Variants in MYO3B observed in about 807,000 individuals in gnomAD.
MYO3B encodes myosin-IIIb.
Under a neutral mutation model 174.6 loss-of-function variants are expected in MYO3B, and 156 were observed. That is an observed-to-expected ratio of 0.89 (90% CI 0.78 to 1.02). The LOEUF is 1.02. Among genes scored for constraint, MYO3B ranks in the 50% least tolerant of loss-of-function variants. The probability of loss-of-function intolerance (pLI) is 0.00; values close to 1 mark genes in which losing one functional copy is unlikely to be tolerated. For missense variants in MYO3B, 1,632 were observed against 1,639.4 expected (o/e 1.00, Z 0.08); for synonymous variants, 563 against 569.1 (o/e 0.99, Z 0.15).
chr2:170,415,742 T>C (rs1412461199), intron 22 of MYO3B, among the ~76,000 whole-genome samples: 1 of 152,222 alleles, frequency 6.6e-6, no homozygotes, highest in Non-Finnish European at 1.5e-5. Context: ...CCTGCTCTTC[T>C]TACAGGTAAG....
chr2:170,643,015 G>A (rs1248488355), intron 32 of MYO3B, among the ~76,000 whole-genome samples: 1 of 149,508 alleles, frequency 6.7e-6, no homozygotes, highest in African/African-American at 2.5e-5. Flanking sequence ...CTACACAGTA[G>A]AACCACCCAA....
chr2:170,209,680 G>A (rs986683935), intron 3 of MYO3B, among the ~76,000 whole-genome samples: 1 of 152,138 alleles, frequency 6.6e-6, no homozygotes. Context: ...GGTATTTACA[G>A]TTAGAAACAC....
At chr2:170,268,583 A>C (rs1221863110) in intron 7 of MYO3B, among the ~76,000 whole-genome samples, 1 of 152,164 alleles carries the variant, frequency 6.6e-6, no homozygotes, top group Non-Finnish European at 1.5e-5. Flanking sequence ...TCTACTACAA[A>C]CTTGGGGGCT....
chr2:170,585,292 C>T (rs1382879250), intron 32 of MYO3B, among the ~76,000 whole-genome samples: 6 of 152,094 alleles, frequency 3.9e-5, no homozygotes, highest in East Asian at 1.9e-4. Flanking sequence ...ATGTAGTACT[C>T]ATAGTAATTC....
intron 9 of MYO3B, among the ~76,000 whole-genome samples, chr2:170,380,819 A>G (rs887759972): frequency 6.6e-6 from 1 of 152,220 alleles, no homozygotes; most frequent in Non-Finnish European, 1.5e-5. Context: ...ATGTTGATCA[A>G]CATAGGACTG....
In MYO3B at chr2:170,422,327, C is replaced by A. The variant is rs143283742; in HGVS notation, c.2650+14483C>A. ...AAGCAGTCCCCCTGCCTCAGCCCCC[C>A]AAGTAGTTGAGATCACAGGCATGAG... On this transcript the variant is annotated intron_variant, in intron 22 of 34. Transcript: ENST00000408978. Among the ~76,000 whole-genome samples the A allele has an allele frequency of 5.3e-5, 8 of 152,186 alleles. No homozygotes were observed. In the East Asian group the frequency reaches 7.7e-4, roughly 15 times the overall value.
intron 32 of MYO3B, among the ~76,000 whole-genome samples, chr2:170,591,391 A>T (rs1039505668): frequency 6.6e-5 from 10 of 152,174 alleles, no homozygotes; most frequent in African/African-American, 2.4e-4. Context: ...TTTCTCTGAG[A>T]TCAAAAATTA....
intron 26 of MYO3B, among the ~76,000 whole-genome samples, chr2:170,499,440 T>A (rs1687081720): frequency 6.6e-6 from 1 of 152,196 alleles, no homozygotes; most frequent in Admixed American, 6.5e-5. Context: ...CCTCATCATC[T>A]ATTTACATCA....
intron 8 of MYO3B, among the ~76,000 whole-genome samples, chr2:170,364,724 T>C (rs948748708): frequency 6.6e-6 from 1 of 152,194 alleles, no homozygotes; most frequent in Non-Finnish European, 1.5e-5. Flanking sequence ...CAGCTGTCAG[T>C]TTCATCTTCA....
At chr2:170,417,876 G>A (rs935440397) in intron 22 of MYO3B, among the ~76,000 whole-genome samples, 2 of 152,150 alleles carry the variant, frequency 1.3e-5, no homozygotes, top group East Asian at 1.9e-4. Flanking sequence ...AGGTACTTAA[G>A]GGCTAGGACT....
chr2:170,642,071 A>G (rs1698015335), intron 32 of MYO3B, among the ~76,000 whole-genome samples: 1 of 152,136 alleles, frequency 6.6e-6, no homozygotes, highest in African/African-American at 2.4e-5. Flanking sequence ...GATACGAAAG[A>G]CCCTCTTCCT....
chr2:170,598,139 A>T (rs969602738), intron 32 of MYO3B, among the ~76,000 whole-genome samples: 1 of 152,354 alleles, frequency 6.6e-6, no homozygotes, highest in East Asian at 1.9e-4. Context: ...TTTAAAGCAT[A>T]TGGTTTCACA....
At chr2:170,509,339 A>T (rs114784010) in intron 28 of MYO3B, among the ~76,000 whole-genome samples, 1 of 152,206 alleles carries the variant, frequency 6.6e-6, no homozygotes, top group Non-Finnish European at 1.5e-5. Context: ...TCTGGGTGAC[A>T]CGGTGAGACC....
chr2:170,397,487 T>G (rs532912941), intron 16 of MYO3B, among the ~76,000 whole-genome samples: 1 of 152,350 alleles, frequency 6.6e-6, no homozygotes, highest in South Asian at 2.1e-4. Flanking sequence ...TATTTCGTTG[T>G]TTCACGTATA....
At chr2:170,444,560 G>A (rs971998912) in intron 23 of MYO3B, among the ~76,000 whole-genome samples, 4 of 152,198 alleles carry the variant, frequency 2.6e-5, no homozygotes, top group Non-Finnish European at 5.9e-5. Context: ...GAGAAACACA[G>A]TTATCTTGAA....
chr2:170,578,112 T>G (rs1209594810), intron 32 of MYO3B, among the ~76,000 whole-genome samples: 1 of 152,212 alleles, frequency 6.6e-6, no homozygotes, highest in Non-Finnish European at 1.5e-5. Flanking sequence ...GTTTGGCTGG[T>G]CCCCAATGTT....
intron 3 of MYO3B, among the ~76,000 whole-genome samples, chr2:170,212,073 G>A (rs561527765): frequency 6.6e-6 from 1 of 152,048 alleles, no homozygotes; most frequent in African/African-American, 2.4e-5. Flanking sequence ...GAGAAACCCT[G>A]TCTCTACTAA....
At chr2:170,626,412 G>T (rs1002932024) in intron 32 of MYO3B, among the ~76,000 whole-genome samples, 5 of 152,104 alleles carry the variant, frequency 3.3e-5, no homozygotes, top group African/African-American at 4.8e-5. Context: ...CGGTAGATCT[G>T]TCTCCATCCC....
Position 170,466,562 on chromosome 2 carries a change from C to G in MYO3B, c.2865C>G (p.Arg955=). 1 of 1,614,212 alleles carries G rather than the reference C, an allele frequency of 6.2e-7. No individual in the cohort carries two copies. Among genetic ancestry groups the G allele is most frequent in the Non-Finnish European group, 8.5e-7 (1 of 1,180,034 alleles). ...TGGTTGGACAGCCCCACTTTGTGCG[C>G]TGCATTAAACCCAATGATGACCGAG... ...KMVVGQPHFV[R]CIKPNDDREA... is the part of the protein sequence containing the mutation. The change falls in exon 25 of 35, where the codon CGC becomes CGG. Residue 955 remains arginine, a synonymous_variant. Coordinates refer to ENST00000408978, the MANE Select transcript of MYO3B (RefSeq NM_138995.5).
Sources: allele counts gnomAD v4.1 joint callset (sites outside exome capture counted in the v4.1 genomes callset), GRCh38; gene constraint gnomAD v4.1.1; transcripts MANE v1.5; gene names NCBI Gene and HGNC (gene_info 2026-07-23, HGNC 2026-07-21).